Variants in C4orf51 observed in about 807,000 individuals in gnomAD.
C4orf51 encodes chromosome 4 open reading frame 51.
Under a neutral mutation model 25.2 loss-of-function variants are expected in C4orf51, and 25 were observed. The ratio of observed to expected loss-of-function variants is 0.99; its 90% CI spans 0.72 to 1.39. C4orf51 has a LOEUF of 1.39. C4orf51 is among the 40% of genes most tolerant of loss of function. The pLI is 0.00. For synonymous variants in C4orf51, 100 were observed against 84.5 expected (o/e 1.18, Z -1.01); for missense variants, 252 against 239.6 (o/e 1.05, Z -0.34).
chr4:145,726,404 C>T (rs28566656), intron 2 of C4orf51, among the ~76,000 whole-genome samples: 18,821 of 151,982 alleles, frequency 0.12, 1,558 homozygotes, highest in African/African-American at 0.22. Flanking sequence ...ACACAATAAA[C>T]TATTGGGCTT....
chr4:145,707,806 C>T lies in C4orf51; in HGVS notation c.307+11174C>T, dbSNP rs151186603. Among the ~76,000 whole-genome samples the T allele has an allele frequency of 9.2e-5, 14 of 152,268 alleles. No homozygotes were observed. In the East Asian group the frequency reaches 2.7e-3, roughly 29 times the overall value. On this transcript the variant is annotated intron_variant, in intron 2 of 5. Transcript: ENST00000438731. The stretch of plus-strand genomic sequence containing the variant: ...GGAGATTAGCACAGAGTAGGCAGCT[C>T]CTGAACCCAAAAGGGAAATTTATAA...
chr4:145,768,916 T>TATATATATATATATATATAAAAAA (rs34051922), intron 1 of C4orf51, among the ~76,000 whole-genome samples: 8 of 34,428 alleles, frequency 2.3e-4, no homozygotes, highest in Non-Finnish European at 1.0e-4. Context: ...TATATATATA[T>TATATATATATATATATATAAAAAA]TAGGTATACA....
At chr4:145,752,843 C>T (rs984097473) in intron 1 of C4orf51, among the ~76,000 whole-genome samples, 1 of 152,218 alleles carries the variant, frequency 6.6e-6, no homozygotes, top group Admixed American at 6.5e-5. Flanking sequence ...TCCCCTCTGG[C>T]TAGGGCTGTT....
intron 1 of C4orf51, among the ~76,000 whole-genome samples, chr4:145,750,362 C>G (rs151163102): frequency 6.7e-6 from 1 of 150,138 alleles, no homozygotes; most frequent in African/African-American, 2.4e-5. Context: ...CTTTATTTCT[C>G]CTTCATGTTT....
intron 1 of C4orf51, among the ~76,000 whole-genome samples, chr4:145,741,016 G>A (rs1203857220): frequency 6.6e-6 from 1 of 152,138 alleles, no homozygotes; most frequent in Non-Finnish European, 1.5e-5. Flanking sequence ...CTGAAGTGGT[G>A]TCCAGCCTAG....
chr4:145,696,260 CA>C (rs904546907), intron 1 of C4orf51, among the ~76,000 whole-genome samples: 5 of 151,774 alleles, frequency 3.3e-5, no homozygotes, highest in African/African-American at 1.2e-4. Context: ...GTCTCCGTCT[CA>C]AAAAAGGAAT....
chr4:145,752,816 C>G (rs1293154631), intron 1 of C4orf51, among the ~76,000 whole-genome samples: 2 of 152,198 alleles, frequency 1.3e-5, no homozygotes, highest in African/African-American at 4.8e-5. Flanking sequence ...CAAGTTCCGA[C>G]CACTTGGATA....
chr4:145,788,975 G>A, the C4orf51 span, among the ~76,000 whole-genome samples: 2 of 152,132 alleles, frequency 1.3e-5, no homozygotes, highest in East Asian at 1.9e-4. Flanking sequence ...AAAAACATAC[G>A]TTCCTTACTA....
intron 1 of C4orf51, among the ~76,000 whole-genome samples, chr4:145,688,784 A>G (rs555222051): frequency 3.3e-5 from 5 of 152,226 alleles, no homozygotes; most frequent in Non-Finnish European, 7.3e-5. Flanking sequence ...TATAGATTTT[A>G]TACAGTTCCA....
chr4:145,742,212 A>G (rs1168907812), intron 1 of C4orf51, among the ~76,000 whole-genome samples: 1 of 152,200 alleles, frequency 6.6e-6, no homozygotes, highest in Non-Finnish European at 1.5e-5. Context: ...ATCCTTCTGT[A>G]TGATTTCACA....
intron 3 of C4orf51, among the ~76,000 whole-genome samples, chr4:145,727,739 G>T (rs955110618): frequency 6.7e-6 from 1 of 149,494 alleles, no homozygotes; most frequent in Non-Finnish European, 1.5e-5. Context: ...AAAATTAGCC[G>T]GGCATGATGG....
chr4:145,693,399 T>C (rs1729746155), intron 1 of C4orf51, among the ~76,000 whole-genome samples: 1 of 151,830 alleles, frequency 6.6e-6, no homozygotes, highest in Non-Finnish European at 1.5e-5. Flanking sequence ...TTTCTTAGTG[T>C]AGAACAAAAT....
Position 145,763,195 on chromosome 4 carries a change from T to C in C4orf51, n.167-7793T>C, listed in dbSNP as rs1342418947. On this transcript the variant is annotated intron_variant and non_coding_transcript_variant, in intron 1 of 1. Coordinates refer to the C4orf51 transcript ENST00000510096. This position sits in a 1 kb window ranked among gnomAD's most constrained non-coding sequence, Gnocchi z 4.6. ...TGAACAGGATATAGAGTACAAGCAG[T>C]TCCATCACAGAAAAGCAATTTAGAC... is the stretch of plus-strand genomic sequence containing the variant. 6.2e-6 allele frequency: 9 copies of C among 1,462,908 alleles called. No individual in the cohort carries two copies. Among genetic ancestry groups the C allele is most frequent in the Non-Finnish European group, 7.3e-6 (8 of 1,089,742 alleles). The allele number at this position is 1,462,908 out of a possible 1,614,324, so 90.6% of individuals were successfully genotyped here.
chr4:145,766,022 T>C (rs958830668), intron 1 of C4orf51, among the ~76,000 whole-genome samples: 30 of 152,348 alleles, frequency 2.0e-4, no homozygotes, highest in Admixed American at 1.4e-3. Flanking sequence ...ACTAAACATG[T>C]TACCACGTTC....
chr4:145,684,426 G>A (rs1318917308), intron 1 of C4orf51, among the ~76,000 whole-genome samples: 1 of 152,160 alleles, frequency 6.6e-6, no homozygotes, highest in Non-Finnish European at 1.5e-5. Flanking sequence ...AGCTTGCAGT[G>A]AGCCAAGATC....
the C4orf51 span, among the ~76,000 whole-genome samples, chr4:145,792,230 C>T: frequency 0.95 from 144,745 of 152,244 alleles, 68,854 homozygotes; most frequent in East Asian, 0.97. Flanking sequence ...GTGAACACAA[C>T]GTTCCTGTTG....
intron 1 of C4orf51, chr4:145,759,458 C>T (rs1373782793): frequency 6.6e-6 from 1 of 152,154 alleles, no homozygotes; most frequent in Non-Finnish European, 1.5e-5. Context: ...TTACATCTAC[C>T]AGGCGTTAAC....
At position 145,716,084 on chromosome 4, in the gene C4orf51, C is replaced by T. The variant is rs542426713; in HGVS notation, c.308-10827C>T. Among the ~76,000 whole-genome samples the T allele has an allele frequency of 9.2e-5, 14 of 152,246 alleles. No homozygotes were observed. The East Asian group carries it at 2.3e-3, about 25-fold the overall frequency. On this transcript the variant is annotated intron_variant, in intron 2 of 5. Transcript: ENST00000438731. ...TAACACTAATTGTTATAGATAACCC[C>T]CCCAAATTATCTATTATCTATTATC...
At chr4:145,727,736 G>T (rs1185845856) in intron 3 of C4orf51, among the ~76,000 whole-genome samples, 1 of 149,380 alleles carries the variant, frequency 6.7e-6, no homozygotes, top group African/African-American at 2.5e-5. Flanking sequence ...TACAAAATTA[G>T]CCGGGCATGA....
Sources: allele counts gnomAD v4.1 joint callset (sites outside exome capture counted in the v4.1 genomes callset), GRCh38; gene constraint gnomAD v4.1.1; non-coding constraint Gnocchi (gnomAD v3.1); transcripts MANE v1.5; gene names NCBI Gene and HGNC (gene_info 2026-07-23, HGNC 2026-07-21).